Variants in GGA2 observed in about 807,000 individuals in gnomAD.
The protein encoded by GGA2 is golgi associated, gamma adaptin ear containing, ARF binding protein 2.
GGA2 carries 48 observed loss-of-function variants against 79.5 expected under a neutral mutation model. That is an observed-to-expected ratio of 0.60 (90% CI 0.48 to 0.77). GGA2 has a LOEUF of 0.77. Ranked by LOEUF, GGA2 falls within the 30% of genes least tolerant of loss-of-function variation. GGA2 has a pLI of 0.00. For missense variants in GGA2, 770 were observed against 774.0 expected (o/e 0.99, Z 0.06); for synonymous variants, 317 against 302.0 (o/e 1.05, Z -0.51).
intron 8 of GGA2, among the ~76,000 whole-genome samples, chr16:23,483,907 A>G (rs1181966299): frequency 6.7e-6 from 1 of 149,730 alleles, no homozygotes; most frequent in African/African-American, 2.5e-5. Flanking sequence ...TCGGCCTCCC[A>G]AAGTGCTGGG....
intron 1 of GGA2, among the ~76,000 whole-genome samples, chr16:23,496,448 G>C (rs1964857111): frequency 6.6e-6 from 1 of 152,194 alleles, no homozygotes; most frequent in South Asian, 2.1e-4. Context: ...GGAGACAGAA[G>C]AGAGGCCACC....
chr16:23,521,338 ATTATT>A (rs1279191888), intron 1 of GGA2, among the ~76,000 whole-genome samples: 1 of 152,046 alleles, frequency 6.6e-6, no homozygotes, highest in Admixed American at 6.6e-5. Flanking sequence ...TATAATTTTG[ATTATT>A]TTAAGTAATT....
In GGA2 at chr16:23,479,878, T is replaced by C. The variant is rs775975158; in HGVS notation, c.1016A>G (p.Asn339Ser). 1 of 1,614,042 alleles carries C rather than the reference T, an allele frequency of 6.2e-7. No individual in the cohort carries two copies. The highest frequency in any genetic ancestry group is 1.7e-5 in the Admixed American group (1 of 60,006). Residue 339 changes from asparagine to serine, a missense_variant, in exon 11 of 17, where the codon AAT (asparagine) becomes AGT (serine). Coordinates refer to ENST00000309859, the MANE Select transcript of GGA2 (RefSeq NM_015044.4). ...GDIPVSRVFQNPAGCMKTCPL... is the reference protein window; with the variant it reads ...GDIPVSRVFQSPAGCMKTCPL... Reference sequence around the variant, plus strand: ...GCAGGTCTTCATGCAGCCTGCTGGATTCTGAAAGACTAGAAAGCCCAGGGT... The same window carrying C: ...GCAGGTCTTCATGCAGCCTGCTGGACTCTGAAAGACTAGAAAGCCCAGGGT...
At chr16:23,515,098 A>C (rs1357830519), upstream of GGA2, among the ~76,000 whole-genome samples, 2 of 151,822 alleles carry the variant, frequency 1.3e-5, no homozygotes, top group African/African-American at 4.8e-5. Flanking sequence ...CTAAGAAATA[A>C]GATAAGTGCC....
At chr16:23,494,229 G>A in intron 3 of GGA2, 74 bp downstream of exon 3, 1 of 959,360 alleles carries the variant, frequency 1.0e-6, no homozygotes. Flanking sequence ...GGATCTGTGT[G>A]GAAGCAAAGC....
At chr16:23,479,927 T>G in intron 10 of GGA2, 40 bp from the exon 11 acceptor site, 1 of 1,608,672 alleles carries the variant, frequency 6.2e-7, no homozygotes, top group South Asian at 1.1e-5. Flanking sequence ...CAGTTGGACA[T>G]GAGAGCAAAG....
intron 13 of GGA2, among the ~76,000 whole-genome samples, chr16:23,478,128 G>A (rs1442412232): frequency 1.3e-5 from 2 of 150,950 alleles, no homozygotes; most frequent in African/African-American, 2.4e-5. Flanking sequence ...GAACTCAGGA[G>A]GTAAAGGCTG....
chr16:23,479,758 C>T lies in GGA2; in HGVS notation c.1129+7G>A. ...TGTGCCTGCTCCCCACAAGCACCTGCCCTCACCCAAGGCTGCCAGGTCCTG... is the reference window on the plus strand; with the variant it reads ...TGTGCCTGCTCCCCACAAGCACCTGTCCTCACCCAAGGCTGCCAGGTCCTG... On this transcript the variant is annotated splice_region_variant and intron_variant, in intron 11 of 16. Transcript: ENST00000309859. The T allele has an allele frequency of 6.2e-7, 1 of 1,613,786 alleles. No individual in the cohort carries two copies.
intron 5 of GGA2, among the ~76,000 whole-genome samples, chr16:23,489,877 G>GA (rs999303715): frequency 5.9e-5 from 9 of 151,990 alleles, no homozygotes; most frequent in African/African-American, 2.2e-4. Flanking sequence ...AAACAGGGGA[G>GA]AAAAAACAAA....
chr16:23,494,678 A>G (rs1964832950), intron 2 of GGA2, among the ~76,000 whole-genome samples: 1 of 152,236 alleles, frequency 6.6e-6, no homozygotes, highest in Non-Finnish European at 1.5e-5. Flanking sequence ...GAGTAGCCAC[A>G]GCAGCACAGG....
intron 1 of GGA2, among the ~76,000 whole-genome samples, chr16:23,508,146 A>C (rs1040199389): frequency 2.0e-5 from 3 of 150,864 alleles, no homozygotes; most frequent in African/African-American, 7.3e-5. Flanking sequence ...CCACCTCCAC[A>C]ACCTCTGCCC....
chr16:23,510,196 A>T, intron 1 of GGA2, 125 bp downstream of exon 1: 1 of 463,700 alleles, frequency 2.2e-6, no homozygotes, highest in Non-Finnish European at 3.5e-6. Flanking sequence ...CGCCGGGCCC[A>T]GGCCCCCTAC....
intron 2 of GGA2, among the ~76,000 whole-genome samples, chr16:23,515,573 C>CAAA (rs57148954): frequency 5.9e-4 from 66 of 111,322 alleles, no homozygotes; most frequent in African/African-American, 1.5e-3. Flanking sequence ...CTCCAGCCTG[C>CAAA]AAAAAAAAAA....
At chr16:23,514,338 C>T (rs901160689), upstream of GGA2, among the ~76,000 whole-genome samples, 2 of 152,102 alleles carry the variant, frequency 1.3e-5, no homozygotes, top group African/African-American at 4.8e-5. Context: ...GAACTGCTGA[C>T]CTCAAATGAT....
intron 1 of GGA2, among the ~76,000 whole-genome samples, chr16:23,506,213 C>A (rs1301738239): frequency 6.6e-6 from 1 of 152,054 alleles, no homozygotes; most frequent in Non-Finnish European, 1.5e-5. Context: ...TAGCTCAGAC[C>A]CATGAGCTTT....
intron 1 of GGA2, among the ~76,000 whole-genome samples, chr16:23,496,370 T>C (rs1964856085): frequency 6.6e-6 from 1 of 150,754 alleles, no homozygotes; most frequent in East Asian, 2.0e-4. Context: ...CCACTTTTAG[T>C]GCAGAGGTTG....
chr16:23,510,427 G>T lies in GGA2; in HGVS notation c.-16C>A. On this transcript the variant is annotated 5_prime_UTR_variant, in exon 1 of 17. Transcript: ENST00000309859. ...TCGCCGCCATCGCTCCAGCCCCGACGCTGCGGCCGCGGGCGCCACTGCCTC... is the reference window on the plus strand; with the variant it reads ...TCGCCGCCATCGCTCCAGCCCCGACTCTGCGGCCGCGGGCGCCACTGCCTC... The T allele has an allele frequency of 9.0e-7, 1 of 1,113,616 alleles. No homozygotes were observed. The highest frequency in any genetic ancestry group is 1.2e-6 in the Non-Finnish European group (1 of 855,318). 69.0% of individuals were successfully genotyped at this position (1,113,616 alleles called of 1,614,324 possible).
At chr16:23,477,301 T>G (rs1964587346) in intron 13 of GGA2, among the ~76,000 whole-genome samples, 1 of 152,172 alleles carries the variant, frequency 6.6e-6, no homozygotes, top group Non-Finnish European at 1.5e-5. Context: ...TCCCACATGT[T>G]GTAGCAGGGA....
chr16:23,510,036 ACGTAG>A (rs1057169677), intron 1 of GGA2, among the ~76,000 whole-genome samples: 2 of 134,600 alleles, frequency 1.5e-5, no homozygotes, highest in Admixed American at 1.6e-4. Context: ...AGCGCAGGTC[ACGTAG>A]CCATTGGGGT....
Sources: allele counts gnomAD v4.1 joint callset (sites outside exome capture counted in the v4.1 genomes callset), GRCh38; gene constraint gnomAD v4.1.1; transcripts MANE v1.5; gene names NCBI Gene and HGNC (gene_info 2026-07-23, HGNC 2026-07-21).